PICALM: variants seen among roughly 807,000 people sequenced by gnomAD.
PICALM encodes phosphatidylinositol-binding clathrin assembly protein.
Under a neutral mutation model 80.5 loss-of-function variants are expected in PICALM, and 40 were observed. The observed-to-expected ratio is 0.50, with a 90% CI of 0.39 to 0.65. The LOEUF (loss-of-function observed/expected upper bound fraction) is 0.65. PICALM is among the 30% of genes least tolerant of loss of function. The probability of loss-of-function intolerance (pLI) is 0.00; values close to 1 mark genes in which losing one functional copy is unlikely to be tolerated. For synonymous variants in PICALM, 288 were observed against 260.3 expected, an observed-to-expected ratio of 1.11 and a Z score of -1.02; for missense variants, 676 against 778.9, an observed-to-expected ratio of 0.87 and a Z score of 1.57.
At chr11:86,047,634 T>G (rs2096097395) in intron 1 of PICALM, among the ~76,000 whole-genome samples, 1 of 152,206 alleles carries the variant, frequency 6.6e-6, no homozygotes. Flanking sequence ...TTCTAAGTAA[T>G]AGCAGAAGGG....
chr11:86,039,444 C>T (rs1468450127), intron 1 of PICALM, among the ~76,000 whole-genome samples: 1 of 151,996 alleles, frequency 6.6e-6, no homozygotes, highest in African/African-American at 2.4e-5. Context: ...GGCAATCCTC[C>T]CCCCACCAGA....
chr11:86,020,976 G>A (rs1003907932), intron 4 of PICALM, among the ~76,000 whole-genome samples: 5 of 152,138 alleles, frequency 3.3e-5, no homozygotes, highest in African/African-American at 9.7e-5. Context: ...TTATTTATGC[G>A]ATAAGAAACT....
At chr11:86,021,248 G>A (rs1565441889) in intron 4 of PICALM, among the ~76,000 whole-genome samples, 1 of 152,120 alleles carries the variant, frequency 6.6e-6, no homozygotes, top group Non-Finnish European at 1.5e-5. Flanking sequence ...CTACTCAGCA[G>A]GCTGAGGGGG....
intron 7 of PICALM, among the ~76,000 whole-genome samples, chr11:86,009,566 C>A (rs2095354655): frequency 6.6e-6 from 1 of 152,094 alleles, no homozygotes; most frequent in South Asian, 2.1e-4. Context: ...GTGGCAGGCA[C>A]CTGCAATCCC....
chr11:85,974,613 A>T, intron 19 of PICALM, 95 bp downstream of exon 19: 1 of 808,520 alleles, frequency 1.2e-6, no homozygotes, highest in Non-Finnish European at 2.2e-6. Flanking sequence ...AGAAAGTGCT[A>T]GTAACTTGTT....
chr11:85,960,056 T>C (rs945639335), intron 19 of PICALM, among the ~76,000 whole-genome samples: 2 of 152,078 alleles, frequency 1.3e-5, no homozygotes, highest in African/African-American at 4.8e-5. Flanking sequence ...GATATACAAT[T>C]AGAGACAATA....
At chr11:85,978,391 T>C (rs544181592) in intron 17 of PICALM, 29 of 213,540 alleles carry the variant, frequency 1.4e-4, no homozygotes, top group Admixed American at 2.3e-4. Flanking sequence ...ATTTTGGGCA[T>C]TGCATAAACA....
rs76892717 is a variant in PICALM at position 86,040,726 on chromosome 11, T to A, written c.131-9115A>T. Among the ~76,000 whole-genome samples, 71 of 152,306 alleles carry A rather than the reference T, an allele frequency of 4.7e-4. 1 individual carries two copies. In the East Asian group the frequency reaches 0.014, roughly 29 times the overall value. On this transcript the variant is annotated intron_variant, in intron 1 of 19. Coordinates refer to ENST00000393346, the MANE Select transcript of PICALM (RefSeq NM_007166.4). Reference sequence around the variant, plus strand: ...CAGTATAGGTGTATATATGTTTAAGTGTGTGTATATATTCCAAAATGCTTT... The same window carrying A: ...CAGTATAGGTGTATATATGTTTAAGAGTGTGTATATATTCCAAAATGCTTT...
chr11:86,024,180 AT>A (rs903064535), intron 3 of PICALM, among the ~76,000 whole-genome samples: 12 of 150,716 alleles, frequency 8.0e-5, no homozygotes, highest in South Asian at 2.1e-4. Context: ...GAAAAAAAAA[AT>A]TTTTTTTTCA....
chr11:85,966,693 T>C (rs777220324), intron 19 of PICALM, among the ~76,000 whole-genome samples: 2 of 152,176 alleles, frequency 1.3e-5, no homozygotes, highest in Non-Finnish European at 2.9e-5. Flanking sequence ...AGGGTCTTTG[T>C]AGATGTAATC....
chr11:86,015,749 C>A (rs2095471562), intron 4 of PICALM, among the ~76,000 whole-genome samples: 1 of 152,188 alleles, frequency 6.6e-6, no homozygotes, highest in Non-Finnish European at 1.5e-5. Flanking sequence ...ATTTTCAAAT[C>A]CTCATTCTAC....
In PICALM at chr11:85,981,984, T is replaced by C; in HGVS notation, c.1536A>G (p.Gly512=). The change falls in exon 15 of 20, where the codon GGA becomes GGG. Residue 512 remains glycine (G), a synonymous_variant. Coordinates refer to ENST00000393346, the MANE Select transcript of PICALM (RefSeq NM_007166.4). ...GAGAGGCCACTGTTGGTTTGAGAAG[T>C]CCACCTAGTTCATCAAAGCCTTAAA... ...VDSGGFDELG[G]LLKPTVASQN... The C allele has an allele frequency of 6.2e-7, 1 of 1,613,346 alleles. No homozygotes were observed. Among genetic ancestry groups the C allele is most frequent in the Non-Finnish European group, 8.5e-7 (1 of 1,179,284 alleles).
intron 1 of PICALM, among the ~76,000 whole-genome samples, chr11:86,059,470 A>G (rs1441512805): frequency 6.6e-6 from 1 of 152,232 alleles, no homozygotes; most frequent in Non-Finnish European, 1.5e-5. Context: ...GAAAGCGGTT[A>G]CCTTAAATGT....
intron 1 of PICALM, among the ~76,000 whole-genome samples, chr11:86,053,329 G>A (rs989687069): frequency 6.6e-6 from 1 of 152,212 alleles, no homozygotes; most frequent in Non-Finnish European, 1.5e-5. Flanking sequence ...GGCAAACGTG[G>A]ACACAAACGT....
In PICALM at chr11:85,970,089, T is replaced by C. The variant is rs551391818; in HGVS notation, c.1944+4619A>G. Reference sequence around the variant, plus strand: ...CAAATAATGTCCAAAAACTATTACATGTCAGGCACTGTTCTAGGAACTAGG... The same window carrying C: ...CAAATAATGTCCAAAAACTATTACACGTCAGGCACTGTTCTAGGAACTAGG... On this transcript the variant is annotated intron_variant, in intron 19 of 19. Coordinates refer to ENST00000393346, the MANE Select transcript of PICALM (RefSeq NM_007166.4). Among the ~76,000 whole-genome samples the C allele has an allele frequency of 2.6e-5, 4 of 152,340 alleles. No homozygotes were observed. In the East Asian group the frequency reaches 5.8e-4, roughly 22 times the overall value.
Position 85,958,542 on chromosome 11 carries a change from AT to A in PICALM, c.*503del, listed in dbSNP as rs201842120. Reference sequence around the variant, plus strand: ...GAATGTCTACTGCAAACTGAATATAATTTTTTTTAAAAAAAGAAAAGTTAAT... The same window carrying A: ...GAATGTCTACTGCAAACTGAATATAATTTTTTTAAAAAAAGAAAAGTTAAT... On this transcript the variant is annotated 3_prime_UTR_variant, in exon 20 of 20. Coordinates refer to ENST00000393346, the MANE Select transcript of PICALM (RefSeq NM_007166.4). 9.5e-6 allele frequency: 2 copies of A among 210,934 alleles called. No homozygotes were observed. The highest frequency in any genetic ancestry group is 1.5e-3 in the Middle Eastern group (1 of 678). 13.1% of individuals were successfully genotyped at this position (210,934 alleles called of 1,614,324 possible).
intron 1 of PICALM, among the ~76,000 whole-genome samples, chr11:86,059,009 G>T (rs541379937): frequency 2.2e-4 from 33 of 152,258 alleles, no homozygotes; most frequent in Non-Finnish European, 4.3e-4. Context: ...ACACTACCTT[G>T]TATCTAAACA....
chr11:86,012,571 A>G (rs1401711361), intron 5 of PICALM, among the ~76,000 whole-genome samples, 179 bp from the exon 6 acceptor site: 59 of 152,244 alleles, frequency 3.9e-4, no homozygotes, highest in Admixed American at 3.8e-3. Context: ...ATATAAATGA[A>G]CATTATTTAT....
chr11:85,972,023 TCTA>T (rs2094128693), intron 19 of PICALM, among the ~76,000 whole-genome samples: 1 of 152,098 alleles, frequency 6.6e-6, no homozygotes, highest in Non-Finnish European at 1.5e-5. Context: ...CCTCAGGTGA[TCTA>T]CTCACCTTGG....
Sources: gnomAD v4.1 joint callset for allele counts (sites outside exome capture counted in the v4.1 genomes callset) on GRCh38, gnomAD v4.1.1 for gene constraint, MANE v1.5 for transcripts, NCBI Gene and HGNC (gene_info 2026-07-23, HGNC 2026-07-21) for gene names.